The following WWOX variants were observed in gnomAD, a reference collection of about 807,000 sequenced individuals.
WWOX encodes WW domain-containing oxidoreductase.
WWOX carries 69 observed loss-of-function variants against 46.2 expected under a neutral mutation model. That is an observed-to-expected ratio of 1.49 (90% CI 1.23 to 1.82). The LOEUF is 1.82. Among genes scored for constraint, WWOX ranks in the 40% most tolerant of loss-of-function variants. WWOX has a pLI of 0.00. For missense variants in WWOX, 919 were observed against 542.6 expected, an observed-to-expected ratio of 1.69 and a Z score of -6.89; for synonymous variants, 359 against 202.6, an observed-to-expected ratio of 1.77 and a Z score of -6.56.
chr16:78,968,229 A>C (rs964504844), intron 8 of WWOX, among the ~76,000 whole-genome samples: 1 of 152,204 alleles, frequency 6.6e-6, no homozygotes, highest in Non-Finnish European at 1.5e-5. Flanking sequence ...TGATTCATAC[A>C]TGCAAGTGAA....
intron 8 of WWOX, among the ~76,000 whole-genome samples, chr16:79,009,515 T>A (rs183555044): frequency 6.6e-6 from 1 of 152,178 alleles, no homozygotes; most frequent in East Asian, 1.9e-4. Flanking sequence ...TCACCTAGGC[T>A]GGAGTGTAGT....
intron 8 of WWOX, among the ~76,000 whole-genome samples, chr16:78,944,784 C>A (rs2045918458): frequency 1.3e-5 from 2 of 152,070 alleles, no homozygotes; most frequent in South Asian, 4.2e-4. Context: ...TGAGCATGGC[C>A]CTGTAAGTGA....
At chr16:78,695,636 G>T (rs2048082932) in intron 8 of WWOX, among the ~76,000 whole-genome samples, 1 of 152,188 alleles carries the variant, frequency 6.6e-6, no homozygotes, top group Non-Finnish European at 1.5e-5. Flanking sequence ...AGCAGCCAAG[G>T]TCACAGCTGG....
At chr16:78,292,682 A>G (rs1486187071) in intron 5 of WWOX, among the ~76,000 whole-genome samples, 1 of 152,166 alleles carries the variant, frequency 6.6e-6, no homozygotes, top group African/African-American at 2.4e-5. Context: ...TGTTGGAGCA[A>G]TTCTGGCACT....
At chr16:79,112,302 C>G (rs149876382) in intron 8 of WWOX, among the ~76,000 whole-genome samples, 32 of 152,290 alleles carry the variant, frequency 2.1e-4, no homozygotes, top group African/African-American at 7.5e-4. Context: ...ACATGAGGCA[C>G]TCAGATGTCA....
intron 8 of WWOX, among the ~76,000 whole-genome samples, chr16:78,835,530 C>T (rs941524241): frequency 6.6e-6 from 1 of 152,178 alleles, no homozygotes; most frequent in African/African-American, 2.4e-5. Flanking sequence ...ATCACACAAT[C>T]AGCACTTAAG....
chr16:79,045,992 G>C (rs1253099736), intron 8 of WWOX, among the ~76,000 whole-genome samples: 1 of 151,614 alleles, frequency 6.6e-6, no homozygotes, highest in Non-Finnish European at 1.5e-5. Context: ...AGTAGAGACG[G>C]GCTTTCACCA....
At chr16:78,616,097 C>T (rs79176860) in intron 8 of WWOX, among the ~76,000 whole-genome samples, 1 of 152,028 alleles carries the variant, frequency 6.6e-6, no homozygotes. Flanking sequence ...TTCTCACTTC[C>T]TACGTAGAAT....
At chr16:79,164,529 AG>A (rs2050553558) in intron 8 of WWOX, among the ~76,000 whole-genome samples, 1 of 152,188 alleles carries the variant, frequency 6.6e-6, no homozygotes, top group African/African-American at 2.4e-5. Context: ...CGCTGTTATC[AG>A]GACCTTCTAT....
In WWOX at chr16:78,288,267, C is replaced by CTTTT. The variant is rs201333228; in HGVS notation, c.517-98580_517-98577dup. On this transcript the variant is annotated intron_variant, in intron 5 of 8. Coordinates refer to ENST00000566780, the MANE Select transcript of WWOX (RefSeq NM_016373.4). ...GTGTGATGAATTATTTATGAGTTTA[C>CTTTT]TTTTTTTTTTTTTTTTGCTTTAACA... Among the ~76,000 whole-genome samples, 14 of 124,678 alleles carry CTTTT rather than the reference C, an allele frequency of 1.1e-4. 1 individual carries two copies. The highest frequency in any genetic ancestry group is 2.1e-4 in the African/African-American group (7 of 34,078). The allele number at this position is 124,678 out of a possible 152,430, so 81.8% of individuals were successfully genotyped here.
chr16:78,851,343 G>A (rs963040831), intron 8 of WWOX, among the ~76,000 whole-genome samples: 4 of 152,188 alleles, frequency 2.6e-5, no homozygotes, highest in Admixed American at 1.3e-4. Context: ...AGGAAGAGAG[G>A]ATGAGAATTT....
chr16:78,565,392 G>C (rs10438630), intron 8 of WWOX, among the ~76,000 whole-genome samples: 35,638 of 151,968 alleles, frequency 0.23, 4,640 homozygotes, highest in African/African-American at 0.34. Context: ...TCATCTTCTA[G>C]AGGCCTCCTG....
chr16:79,152,203 G>T (rs537214970), intron 8 of WWOX, among the ~76,000 whole-genome samples: 1 of 152,346 alleles, frequency 6.6e-6, no homozygotes, highest in African/African-American at 2.4e-5. Flanking sequence ...GCGAGGCCCT[G>T]AGGAGCGGGA....
chr16:78,149,058 C>A (rs1208220811), intron 4 of WWOX, among the ~76,000 whole-genome samples: 1 of 152,004 alleles, frequency 6.6e-6, no homozygotes, highest in Non-Finnish European at 1.5e-5. Context: ...GTGGCAGGAT[C>A]GTAGCTCACT....
rs117220381 is a variant in WWOX at position 78,262,136 on chromosome 16, T to C, written c.516+97847T>C. 6.3e-3 allele frequency among the ~76,000 whole-genome samples: 719 copies of C among 114,590 alleles called. 21 individuals carry two copies. In the East Asian group the frequency reaches 0.13, roughly 21 times the overall value. 75.2% of individuals were successfully genotyped at this position (114,590 alleles called of 152,430 possible). A position where few individuals can be genotyped will look rare whatever the true frequency, so the allele number is the denominator to read the frequency against. ...AAAAAAAAAGAAGGAAAGAGGGAAA[T>C]ATACATCCTCCTATCCAGGGTGAAT... On this transcript the variant is annotated intron_variant, in intron 5 of 8. Coordinates refer to ENST00000566780, the MANE Select transcript of WWOX (RefSeq NM_016373.4).
chr16:78,872,219 G>C (rs189352380), intron 8 of WWOX, among the ~76,000 whole-genome samples: 3 of 152,166 alleles, frequency 2.0e-5, no homozygotes, highest in Non-Finnish European at 4.4e-5. Context: ...TCAAATCCCA[G>C]CTCTGCTATT....
intron 8 of WWOX, among the ~76,000 whole-genome samples, chr16:78,745,491 G>T (rs1452221805): frequency 6.8e-6 from 1 of 147,110 alleles, no homozygotes; most frequent in Non-Finnish European, 1.5e-5. Flanking sequence ...GCGTTTGGGG[G>T]TCACTCCATA....
intron 8 of WWOX, among the ~76,000 whole-genome samples, chr16:78,571,793 G>A (rs541091125): frequency 6.6e-6 from 1 of 152,234 alleles, no homozygotes; most frequent in Non-Finnish European, 1.5e-5. Flanking sequence ...GCTGGAACCC[G>A]GGAGACAGGT....
At chr16:78,999,476 A>C (rs1055581491) in intron 8 of WWOX, among the ~76,000 whole-genome samples, 7 of 152,200 alleles carry the variant, frequency 4.6e-5, no homozygotes, top group African/African-American at 1.7e-4. Flanking sequence ...TTCTCAAGAA[A>C]GAAGGAATAG....
Sources: allele counts gnomAD v4.1 joint callset (sites outside exome capture counted in the v4.1 genomes callset), GRCh38; gene constraint gnomAD v4.1.1; transcripts MANE v1.5; gene names NCBI Gene and HGNC (gene_info 2026-07-23, HGNC 2026-07-21).